The following TENM3 variants were observed in gnomAD, a reference collection of about 807,000 sequenced individuals.
The protein encoded by TENM3 is teneurin-3.
TENM3 carries 63 observed loss-of-function variants against 255.1 expected under a neutral mutation model. The ratio of observed to expected loss-of-function variants is 0.25; its 90% CI spans 0.20 to 0.30. The LOEUF (loss-of-function observed/expected upper bound fraction) is 0.30, where lower values mean the gene tolerates loss of function less well. TENM3 is among the 10% of genes least tolerant of loss of function. The probability of loss-of-function intolerance (pLI) is 1.00; values close to 1 mark genes in which losing one functional copy is unlikely to be tolerated. For missense variants in TENM3, 2,929 were observed against 3,461.1 expected, an observed-to-expected ratio of 0.85 and a Z score of 3.86; for synonymous variants, 1,306 against 1,322.3, an observed-to-expected ratio of 0.99 and a Z score of 0.27.
the TENM3 span, among the ~76,000 whole-genome samples, chr4:181,784,288 CAA>C: frequency 2.2e-4 from 34 of 151,840 alleles, 1 homozygote; most frequent in Admixed American, 1.5e-3. Flanking sequence ...CAAGTTCTAC[CAA>C]AGAGTTTTTC....
chr4:182,263,932 G>A (rs554623348), intron 1 of TENM3, among the ~76,000 whole-genome samples: 64 of 150,536 alleles, frequency 4.3e-4, no homozygotes, highest in African/African-American at 1.5e-3. Context: ...TGGCCAGAAC[G>A]AAAAAAAAAT....
intron 1 of TENM3, among the ~76,000 whole-genome samples, chr4:182,262,531 A>G (rs1758873930): frequency 6.6e-6 from 1 of 152,158 alleles, no homozygotes; most frequent in African/African-American, 2.4e-5. Flanking sequence ...CACTCCCACC[A>G]GCGCCACGAC....
Position 182,282,290 on chromosome 4 carries a change from A to G in TENM3, c.-76+38814A>G, listed in dbSNP as rs566438478. ...ATGGGCATCTTCAAGGTAATTGCCA[A>G]GTTATTTCAAGGACAGTAGTGAGGA... On this transcript the variant is annotated intron_variant, in intron 1 of 27. Transcript: ENST00000511685. Among the ~76,000 whole-genome samples the G allele has an allele frequency of 6.6e-5, 10 of 152,296 alleles. No individual in the cohort carries two copies. The East Asian group carries it at 1.9e-3, about 29-fold the overall frequency.
At chr4:181,508,947 G>A in the TENM3 span, among the ~76,000 whole-genome samples, 2 of 143,072 alleles carry the variant, frequency 1.4e-5, no homozygotes, top group African/African-American at 5.4e-5. Context: ...AGTTGGGAAG[G>A]GGGAAATGCT....
the TENM3 span, among the ~76,000 whole-genome samples, chr4:181,524,085 A>G: frequency 3.3e-5 from 5 of 152,296 alleles, no homozygotes; most frequent in Admixed American, 1.3e-4. Flanking sequence ...TCCACGAAAC[A>G]CTAACATGGA....
the TENM3 span, among the ~76,000 whole-genome samples, chr4:181,729,044 A>T: frequency 1.3e-5 from 2 of 152,234 alleles, no homozygotes; most frequent in African/African-American, 4.8e-5. Context: ...ACACTACAAA[A>T]TAAACCAGAC....
intron 3 of TENM3, among the ~76,000 whole-genome samples, chr4:182,387,532 G>A (rs572925413): frequency 5.2e-4 from 79 of 152,230 alleles, no homozygotes; most frequent in African/African-American, 1.8e-3. Context: ...CAACACGCTT[G>A]GGTCCCCTTC....
chr4:182,694,337 C>T (rs1757227201), intron 12 of TENM3, among the ~76,000 whole-genome samples: 1 of 152,026 alleles, frequency 6.6e-6, no homozygotes, highest in Non-Finnish European at 1.5e-5. Flanking sequence ...TGGTCTCACA[C>T]TCCAGGACGC....
intron 3 of TENM3, among the ~76,000 whole-genome samples, chr4:182,437,457 T>C (rs569623773): frequency 1.5e-4 from 22 of 150,498 alleles, no homozygotes; most frequent in African/African-American, 5.4e-4. Flanking sequence ...AAGATCAGCC[T>C]GGGCAACATG....
At chr4:181,621,213 T>C in the TENM3 span, among the ~76,000 whole-genome samples, 1,739 of 152,302 alleles carry the variant, frequency 0.011, 41 homozygotes, top group African/African-American at 0.04. Context: ...ACTTAATGAT[T>C]CTTTCATAAT....
At chr4:181,692,170 T>C in the TENM3 span, among the ~76,000 whole-genome samples, 4 of 152,208 alleles carry the variant, frequency 2.6e-5, no homozygotes, top group African/African-American at 9.6e-5. Context: ...ATGTGCAAAT[T>C]GTATAATGTA....
At chr4:182,381,027 G>A (rs577665585) in intron 3 of TENM3, among the ~76,000 whole-genome samples, 15 of 152,328 alleles carry the variant, frequency 9.8e-5, no homozygotes, top group African/African-American at 3.1e-4. Flanking sequence ...CAGGGCTGAC[G>A]CTGACGGGCA....
At chr4:182,750,327 C>A (rs1762284125) in intron 19 of TENM3, among the ~76,000 whole-genome samples, 1 of 152,144 alleles carries the variant, frequency 6.6e-6, no homozygotes, top group Non-Finnish European at 1.5e-5. Flanking sequence ...AGCTGAAGGA[C>A]ATACAAAGCT....
the TENM3 span, among the ~76,000 whole-genome samples, chr4:181,680,090 T>C: frequency 6.6e-6 from 1 of 152,120 alleles, no homozygotes; most frequent in Admixed American, 6.6e-5. Context: ...GTGTCATAGG[T>C]GTAAACATTT....
intron 1 of TENM3, among the ~76,000 whole-genome samples, chr4:182,236,961 C>A (rs1210012002): frequency 6.6e-6 from 1 of 152,166 alleles, no homozygotes; most frequent in African/African-American, 2.4e-5. Context: ...TTAAGCCTGG[C>A]ATACATTAGC....
the TENM3 span, among the ~76,000 whole-genome samples, chr4:181,596,884 G>A: frequency 1.3e-5 from 2 of 152,004 alleles, no homozygotes; most frequent in Non-Finnish European, 2.9e-5. Flanking sequence ...TAAATTATGA[G>A]AACACACAGA....
intron 3 of TENM3, among the ~76,000 whole-genome samples, chr4:182,456,225 G>A (rs1224405633): frequency 6.6e-6 from 1 of 152,158 alleles, no homozygotes; most frequent in Non-Finnish European, 1.5e-5. Context: ...TGTCTAACTG[G>A]CCTGTCCGTG....
intron 22 of TENM3, among the ~76,000 whole-genome samples, chr4:182,770,713 G>C (rs17330216): frequency 6.6e-6 from 1 of 152,116 alleles, no homozygotes; most frequent in Admixed American, 6.5e-5. Flanking sequence ...ACACTCATTT[G>C]TAATAGTTAA....
At chr4:181,930,896 C>A in the TENM3 span, among the ~76,000 whole-genome samples, 3 of 152,198 alleles carry the variant, frequency 2.0e-5, no homozygotes, top group Non-Finnish European at 4.4e-5. Context: ...ATTACATAAA[C>A]AGAACCAATG....
Sources: allele counts gnomAD v4.1 joint callset (sites outside exome capture counted in the v4.1 genomes callset), GRCh38; gene constraint gnomAD v4.1.1; transcripts MANE v1.5; gene names NCBI Gene and HGNC (gene_info 2026-07-23, HGNC 2026-07-21).